TCF4: variants seen among roughly 807,000 people sequenced by gnomAD.
The protein encoded by TCF4 is SL3-3 enhancer factor 2.
A neutral mutation model predicts 82.1 loss-of-function variants in TCF4; 3 were observed. That is an observed-to-expected ratio of 0.04 (90% CI 0.02 to 0.09). TCF4 has a LOEUF of 0.09. Among genes scored for constraint, TCF4 ranks in the 10% least tolerant of loss-of-function variants. The pLI, the probability that TCF4 is intolerant of heterozygous loss-of-function variation, is 1.00. For synonymous variants in TCF4, 276 were observed against 309.6 expected (o/e 0.89, Z 1.14); for missense variants, 518 against 852.7 (o/e 0.61, Z 4.89).
intron 3 of TCF4, among the ~76,000 whole-genome samples, chr18:55,472,244 T>C (rs775985466): frequency 2.6e-4 from 40 of 152,346 alleles, no homozygotes; most frequent in Middle Eastern, 3.4e-3. Context: ...AACTGTTATG[T>C]TACAAATATG....
intron 5 of TCF4, among the ~76,000 whole-genome samples, chr18:55,419,651 A>C (rs1309668890): frequency 6.6e-6 from 1 of 152,188 alleles, no homozygotes; most frequent in Non-Finnish European, 1.5e-5. Flanking sequence ...AAAATGTTTA[A>C]GCAGTTACTT....
At chr18:55,521,439 A>AT (rs149382692) in intron 3 of TCF4, among the ~76,000 whole-genome samples, 1 of 152,314 alleles carries the variant, frequency 6.6e-6, no homozygotes, top group African/African-American at 2.4e-5. Context: ...TTACAACACC[A>AT]AAAGCAAACT....
chr18:55,443,497 G>A (rs1211079034), intron 5 of TCF4, among the ~76,000 whole-genome samples: 1 of 152,134 alleles, frequency 6.6e-6, no homozygotes, highest in Non-Finnish European at 1.5e-5. Flanking sequence ...ATTAGGTGTA[G>A]GTAAAGAGAC....
At chr18:55,563,238 C>CAA (rs74182105) in intron 3 of TCF4, among the ~76,000 whole-genome samples, 89 of 67,974 alleles carry the variant, frequency 1.3e-3, no homozygotes, top group Middle Eastern at 7.9e-3. Flanking sequence ...GACCCTGTCT[C>CAA]AAAAAAAAAA....
At chr18:55,576,699 GA>G (rs1339260577) in intron 3 of TCF4, among the ~76,000 whole-genome samples, 1 of 152,104 alleles carries the variant, frequency 6.6e-6, no homozygotes, top group East Asian at 1.9e-4. Flanking sequence ...CCCCATGAAA[GA>G]AATAAGTTTT....
chr18:55,385,618 C>A (rs755123239), intron 6 of TCF4, among the ~76,000 whole-genome samples: 36 of 152,158 alleles, frequency 2.4e-4, no homozygotes, highest in Non-Finnish European at 3.8e-4. Context: ...CCAGGCCGGT[C>A]TCGAACTCCT....
intron 5 of TCF4, among the ~76,000 whole-genome samples, chr18:55,449,432 C>T (rs904076402): frequency 2.0e-4 from 31 of 152,182 alleles, no homozygotes; most frequent in Admixed American, 1.9e-3. Flanking sequence ...TTCAAAAACA[C>T]GGATATTAGG....
chr18:55,230,853 G>C (rs1054552728), intron 17 of TCF4: 1 of 152,204 alleles, frequency 6.6e-6, no homozygotes, highest in Admixed American at 6.5e-5. Context: ...TTCTTCGGTT[G>C]CAAGTATACG....
intron 8 of TCF4, among the ~76,000 whole-genome samples, chr18:55,312,663 A>C (rs1343467017): frequency 1.3e-5 from 2 of 152,184 alleles, no homozygotes; most frequent in Non-Finnish European, 2.9e-5. Context: ...AAGTTGGGCC[A>C]AGAGGATCTG....
At chr18:55,505,533 G>C (rs1228812216) in intron 3 of TCF4, among the ~76,000 whole-genome samples, 1 of 151,996 alleles carries the variant, frequency 6.6e-6, no homozygotes, top group Non-Finnish European at 1.5e-5. Context: ...GGCCGGGCGC[G>C]GTGGCTCACG....
chr18:55,493,821 A>G (rs1487939006), intron 3 of TCF4, among the ~76,000 whole-genome samples: 1 of 152,124 alleles, frequency 6.6e-6, no homozygotes, highest in Non-Finnish European at 1.5e-5. Flanking sequence ...TTTGTAGTCT[A>G]CAGTTTCTGT....
At chr18:55,335,505 G>T (rs2147852146) in intron 8 of TCF4, among the ~76,000 whole-genome samples, 1 of 152,124 alleles carries the variant, frequency 6.6e-6, no homozygotes, top group Non-Finnish European at 1.5e-5. Context: ...CTTTTTACTA[G>T]GCATATAAAT....
chr18:55,315,209 A>G (rs2073803803), intron 8 of TCF4, among the ~76,000 whole-genome samples: 1 of 152,196 alleles, frequency 6.6e-6, no homozygotes, highest in Admixed American at 6.5e-5. Flanking sequence ...AGGTGTTCAA[A>G]CCCACTCTTT....
At chr18:55,351,923 A>G (rs1250869353) in intron 6 of TCF4, 2 of 828,470 alleles carry the variant, frequency 2.4e-6, no homozygotes, top group African/African-American at 3.7e-5. Context: ...TTTAATAAAG[A>G]AATTTTAAAA....
intron 6 of TCF4, among the ~76,000 whole-genome samples, chr18:55,364,120 C>T (rs1475580361): frequency 2.6e-5 from 4 of 152,122 alleles, no homozygotes; most frequent in Admixed American, 1.3e-4. Context: ...CTGGTATAAA[C>T]TTTCTGGAAG....
intron 5 of TCF4, chr18:55,452,817 C>T (rs1339756917): frequency 1.3e-5 from 2 of 152,158 alleles, no homozygotes; most frequent in Admixed American, 6.5e-5. Flanking sequence ...ACGCTCCTTC[C>T]CATGCAAGAC....
intron 8 of TCF4, among the ~76,000 whole-genome samples, chr18:55,342,433 G>A (rs897017308): frequency 6.6e-5 from 10 of 152,118 alleles, no homozygotes; most frequent in Non-Finnish European, 1.2e-4. Context: ...ATATGCCTGA[G>A]TATTAAATGG....
intron 2 of TCF4, among the ~76,000 whole-genome samples, chr18:55,612,933 G>A (rs1285096257): frequency 6.6e-6 from 1 of 152,086 alleles, no homozygotes; most frequent in Non-Finnish European, 1.5e-5. Flanking sequence ...GGGCAACAGA[G>A]CAAGACTCTG....
chr18:55,562,854 CAG>C (rs1475548054), intron 3 of TCF4, among the ~76,000 whole-genome samples: 1 of 151,912 alleles, frequency 6.6e-6, no homozygotes, highest in Non-Finnish European at 1.5e-5. Flanking sequence ...CATATTTAAC[CAG>C]AGATAGGTAG....
Sources: gnomAD v4.1 joint callset for allele counts (sites outside exome capture counted in the v4.1 genomes callset) on GRCh38, gnomAD v4.1.1 for gene constraint, MANE v1.5 for transcripts, NCBI Gene and HGNC (gene_info 2026-07-23, HGNC 2026-07-21) for gene names.